Variants in CHMP2B observed in about 807,000 individuals in gnomAD.
CHMP2B encodes the protein VPS2 homolog B.
Under a neutral mutation model 29.8 loss-of-function variants are expected in CHMP2B, and 22 were observed. The ratio of observed to expected loss-of-function variants is 0.74; its 90% CI spans 0.53 to 1.05. CHMP2B has a LOEUF of 1.05. CHMP2B is among the 50% of genes least tolerant of loss of function. The probability of loss-of-function intolerance (pLI) is 0.00; values close to 1 mark genes in which losing one functional copy is unlikely to be tolerated. For missense variants in CHMP2B, 261 were observed against 252.2 expected (o/e 1.03, Z -0.24); for synonymous variants, 78 against 75.8 (o/e 1.03, Z -0.15).
At chr3:87,250,527 A>T (rs913951774) in intron 4 of CHMP2B, among the ~76,000 whole-genome samples, 44 of 152,040 alleles carry the variant, frequency 2.9e-4, no homozygotes, top group African/African-American at 9.1e-4. Flanking sequence ...CATAATCTTG[A>T]TCTACAAAAG....
intron 1 of CHMP2B, among the ~76,000 whole-genome samples, chr3:87,229,226 GA>G (rs948565245): frequency 6.6e-6 from 1 of 151,928 alleles, no homozygotes; most frequent in East Asian, 1.9e-4. Context: ...GTAGAGGAGA[GA>G]AAAAAAGACA....
At chr3:87,243,382 G>A (rs147496703) in intron 2 of CHMP2B, among the ~76,000 whole-genome samples, 3 of 151,936 alleles carry the variant, frequency 2.0e-5, no homozygotes, top group Non-Finnish European at 4.4e-5. Flanking sequence ...TTTTTGTGTG[G>A]TGGGTTTTTT....
At chr3:87,237,749 T>C (rs1196889378) in intron 1 of CHMP2B, among the ~76,000 whole-genome samples, 1 of 152,206 alleles carries the variant, frequency 6.6e-6, no homozygotes, top group Non-Finnish European at 1.5e-5. Context: ...GTGTTTAATT[T>C]TTTTTTCAGT....
At chr3:87,253,631 A>G in intron 5 of CHMP2B, 81 bp from the exon 6 acceptor site, 2 of 1,381,470 alleles carry the variant, frequency 1.4e-6, no homozygotes, top group East Asian at 2.3e-5. Flanking sequence ...TAAATTAAAC[A>G]GACCTCTTTA....
In CHMP2B at chr3:87,248,956, A is replaced by G. The variant is rs116610884; in HGVS notation, c.322-919A>G. Among the ~76,000 whole-genome samples the G allele has an allele frequency of 8.9e-3, 1,353 of 152,334 alleles. 14 individuals carry two copies. The highest frequency in any genetic ancestry group is 0.013 in the Non-Finnish European group (918 of 68,018). On this transcript the variant is annotated intron_variant, in intron 3 of 5. Transcript: ENST00000263780. The stretch of plus-strand genomic sequence containing the variant: ...ATCATCTATGTATTATGCATCATAT[A>G]TATAAAAATGCAGTCATGTCTGGCT...
At chr3:87,230,494 C>G (rs1705888263) in intron 1 of CHMP2B, among the ~76,000 whole-genome samples, 1 of 152,096 alleles carries the variant, frequency 6.6e-6, no homozygotes, top group Non-Finnish European at 1.5e-5. Flanking sequence ...TAATTTTGCT[C>G]TTATCAAGCA....
chr3:87,228,097 A>G (rs535936880), intron 1 of CHMP2B, among the ~76,000 whole-genome samples: 3 of 152,308 alleles, frequency 2.0e-5, no homozygotes, highest in African/African-American at 7.2e-5. Flanking sequence ...GTAGAAAAAT[A>G]AACCCAAGGG....
Position 87,227,448 on chromosome 3 carries a change from T to A in CHMP2B, c.-75T>A, listed in dbSNP as rs756651997. On this transcript the variant is annotated 5_prime_UTR_variant, in exon 1 of 6. Coordinates refer to ENST00000263780, the MANE Select transcript of CHMP2B (RefSeq NM_014043.4). The stretch of plus-strand genomic sequence containing the variant: ...CCACCCCGAACCCGCCAAGGTCCTG[T>A]CCTTTTCCTCCTGTCCTTTGCCAGC... 4 of 1,580,100 alleles carry A rather than the reference T, an allele frequency of 2.5e-6. No individual in the cohort carries two copies. The highest frequency in any genetic ancestry group is 1.7e-6 in the Non-Finnish European group (2 of 1,149,252).
In CHMP2B at chr3:87,253,778, G is replaced by T; in HGVS notation, c.598G>T (p.Asp200Tyr). 1 of 1,612,372 alleles carries T rather than the reference G, an allele frequency of 6.2e-7. No homozygotes were observed. The highest frequency in any genetic ancestry group is 8.5e-7 in the Non-Finnish European group (1 of 1,178,682). ...CTCTACTTCAAAGGCTACAATCTCA[G>T]ATGAAGAGATTGAACGGCAACTCAA... ...SASTSKATISDEEIERQLKAL... is the reference protein window; with the variant it reads ...SASTSKATISYEEIERQLKAL... Residue 200 changes from aspartate to tyrosine, a missense_variant, in exon 6 of 6, where the codon GAT becomes TAT. By Grantham distance (160) the Asp-to-Tyr change is radical (BLOSUM62 -3). Coordinates refer to ENST00000263780, the MANE Select transcript of CHMP2B (RefSeq NM_014043.4).
chr3:87,242,414 TTCTG>T (rs756773423), intron 2 of CHMP2B, among the ~76,000 whole-genome samples: 2 of 152,176 alleles, frequency 1.3e-5, no homozygotes, highest in Non-Finnish European at 2.9e-5. Flanking sequence ...ATTGCAGATC[TTCTG>T]TCTACTTGTC....
chr3:87,237,765 C>A (rs372040887), intron 1 of CHMP2B, among the ~76,000 whole-genome samples: 1 of 152,002 alleles, frequency 6.6e-6, no homozygotes, highest in African/African-American at 2.4e-5. Context: ...TCAGTTTCAA[C>A]ATTTCCCAAA....
At chr3:87,252,671 G>A (rs1275727075) in intron 4 of CHMP2B, among the ~76,000 whole-genome samples, 1 of 151,570 alleles carries the variant, frequency 6.6e-6, no homozygotes, top group East Asian at 1.9e-4. Context: ...ACTACCCGAG[G>A]TCTTTGTTTT....
chr3:87,239,584 C>T (rs1706076870), intron 1 of CHMP2B, among the ~76,000 whole-genome samples: 1 of 152,092 alleles, frequency 6.6e-6, no homozygotes, highest in East Asian at 1.9e-4. Context: ...GTTAAGATCA[C>T]TGGTTCAAGA....
chr3:87,228,794 A>G (rs970322703), intron 1 of CHMP2B, among the ~76,000 whole-genome samples: 13 of 152,194 alleles, frequency 8.5e-5, no homozygotes, highest in African/African-American at 3.1e-4. Flanking sequence ...TTCGTATATT[A>G]GGTGATACAG....
At chr3:87,249,556 C>T (rs1034059838) in intron 3 of CHMP2B, among the ~76,000 whole-genome samples, 10 of 149,586 alleles carry the variant, frequency 6.7e-5, no homozygotes, top group South Asian at 2.2e-4. Flanking sequence ...TACCTACTTG[C>T]CACAAAAACA....
chr3:87,249,088 T>G lies in CHMP2B; in HGVS notation c.322-787T>G, dbSNP rs560581138. Among the ~76,000 whole-genome samples, 12 of 152,298 alleles carry G rather than the reference T, an allele frequency of 7.9e-5. No homozygotes were observed. In the South Asian group the frequency reaches 2.3e-3, roughly 29 times the overall value. ...CCTAGGTGATACAGCCTACTACGCATCTAGGCTATATGGTATAGCCTGTTG... is the reference window on the plus strand; with the variant it reads ...CCTAGGTGATACAGCCTACTACGCAGCTAGGCTATATGGTATAGCCTGTTG... On this transcript the variant is annotated intron_variant, in intron 3 of 5. Coordinates refer to ENST00000263780, the MANE Select transcript of CHMP2B (RefSeq NM_014043.4).
At chr3:87,228,419 T>C (rs1705852048) in intron 1 of CHMP2B, among the ~76,000 whole-genome samples, 1 of 152,220 alleles carries the variant, frequency 6.6e-6, no homozygotes, top group Non-Finnish European at 1.5e-5. Flanking sequence ...ATTATATGTT[T>C]AGTCTAGGTT....
chr3:87,248,124 C>G (rs2106910939), intron 3 of CHMP2B, among the ~76,000 whole-genome samples: 1 of 151,866 alleles, frequency 6.6e-6, no homozygotes, highest in Admixed American at 6.6e-5. Context: ...ATGGCAAAAC[C>G]CCACCTCTAC....
intron 3 of CHMP2B, among the ~76,000 whole-genome samples, chr3:87,248,934 A>G (rs1252748646): frequency 6.6e-6 from 1 of 152,210 alleles, no homozygotes; most frequent in African/African-American, 2.4e-5. Context: ...TATGTTTATC[A>G]TCTATGTATT....
Sources: allele counts gnomAD v4.1 joint callset (sites outside exome capture counted in the v4.1 genomes callset), GRCh38; gene constraint gnomAD v4.1.1; transcripts MANE v1.5; gene names NCBI Gene and HGNC (gene_info 2026-07-23, HGNC 2026-07-21).